The following PCDH15 variants were observed in gnomAD, a reference collection of about 807,000 sequenced individuals.
PCDH15 encodes protocadherin-15.
In PCDH15, 129 loss-of-function variants were observed where a neutral mutation model predicts 178.5. The ratio of observed to expected loss-of-function variants is 0.72; its 90% CI spans 0.63 to 0.84. The LOEUF is 0.84. Among genes scored for constraint, PCDH15 ranks in the 40% least tolerant of loss-of-function variants. PCDH15 has a pLI of 0.00. For missense variants in PCDH15, 2,230 were observed against 2,099.9 expected (o/e 1.06, Z -1.21); for synonymous variants, 800 against 732.0 (o/e 1.09, Z -1.50).
chr10:54,976,474 G>T (rs1839074472), intron 2 of PCDH15, among the ~76,000 whole-genome samples: 1 of 152,100 alleles, frequency 6.6e-6, no homozygotes, highest in South Asian at 2.1e-4. Context: ...CTAGGGAAAG[G>T]GTGCTGCTGA....
chr10:53,937,005 A>G (rs987567748), intron 25 of PCDH15, among the ~76,000 whole-genome samples: 1 of 152,160 alleles, frequency 6.6e-6, no homozygotes, highest in Non-Finnish European at 1.5e-5. Context: ...GTCAATCATA[A>G]AAGGTTAATA....
intron 2 of PCDH15, among the ~76,000 whole-genome samples, chr10:54,972,590 T>A (rs1050813280): frequency 2.0e-5 from 3 of 151,874 alleles, no homozygotes; most frequent in Non-Finnish European, 2.9e-5. Flanking sequence ...GGCTCACGCC[T>A]GTAATCCCAG....
At chr10:54,785,254 T>G (rs1255334631) in intron 1 of PCDH15, among the ~76,000 whole-genome samples, 1 of 152,050 alleles carries the variant, frequency 6.6e-6, no homozygotes, top group East Asian at 1.9e-4. Context: ...TTCTGATACA[T>G]AGGAGCCTGG....
In PCDH15 at chr10:53,961,666, A is replaced by T. The variant is rs182862109; in HGVS notation, c.3009+86T>A. On this transcript the variant is annotated intron_variant, in intron 22 of 37. Coordinates refer to ENST00000644397, the MANE Select transcript of PCDH15 (RefSeq NM_001384140.1). The stretch of plus-strand genomic sequence containing the variant: ...AATTAAAAAGGAGAAAAATTGAAAG[A>T]AAAAAATGTGCTGTCATCTGTTAAG... 5.7e-4 allele frequency: 571 copies of T among 1,010,270 alleles called. 3 individuals carry two copies. In the Middle Eastern group the frequency reaches 8.1e-3, roughly 14 times the overall value. 62.6% of individuals were successfully genotyped at this position (1,010,270 alleles called of 1,614,324 possible).
chr10:54,804,927 T>TTATACATATATATATATATATATATATA, upstream of PCDH15, among the ~76,000 whole-genome samples: 1 of 50,844 alleles, frequency 2.0e-5, no homozygotes, highest in Admixed American at 3.0e-4. Flanking sequence ...TCATAGTAGA[T>TTATACATATATATATATATATATATATA]TATATATATA....
chr10:54,245,936 C>T (rs1019680089), intron 8 of PCDH15, among the ~76,000 whole-genome samples: 2 of 151,604 alleles, frequency 1.3e-5, no homozygotes, highest in African/African-American at 4.8e-5. Context: ...CTATGAGATA[C>T]CTTCATAAAT....
intron 2 of PCDH15, among the ~76,000 whole-genome samples, chr10:55,140,858 T>G (rs950584689): frequency 5.9e-5 from 9 of 152,012 alleles, no homozygotes; most frequent in African/African-American, 1.7e-4. Flanking sequence ...TCATCTAGGT[T>G]GTCCTATTGA....
At chr10:54,356,312 T>C (rs1218881462) in intron 5 of PCDH15, among the ~76,000 whole-genome samples, 1 of 151,960 alleles carries the variant, frequency 6.6e-6, no homozygotes, top group Non-Finnish European at 1.5e-5. Flanking sequence ...CCTCTGGTCC[T>C]GAAAAATATT....
chr10:53,908,272 T>G lies in PCDH15; in HGVS notation c.3374-4902A>C, dbSNP rs147977561. On this transcript the variant is annotated intron_variant, in intron 25 of 37. Coordinates refer to ENST00000644397, the MANE Select transcript of PCDH15 (RefSeq NM_001384140.1). The stretch of plus-strand genomic sequence containing the variant: ...AACGAACAAACAAACAAACAAAATA[T>G]TTGGGCCAAAATGCCATTAGTGATG... 3.8e-3 allele frequency among the ~76,000 whole-genome samples: 580 copies of G among 152,168 alleles called. 2 individuals carry two copies. Among genetic ancestry groups the G allele is most frequent in the African/African-American group, 0.014 (566 of 41,526 alleles).
At chr10:54,912,842 A>C (rs1954840489) in intron 2 of PCDH15, among the ~76,000 whole-genome samples, 1 of 152,178 alleles carries the variant, frequency 6.6e-6, no homozygotes, top group Non-Finnish European at 1.5e-5. Flanking sequence ...TGAAAAATGA[A>C]GTCTCAGCTG....
At chr10:54,936,960 G>A (rs2131858934) in intron 2 of PCDH15, among the ~76,000 whole-genome samples, 1 of 151,870 alleles carries the variant, frequency 6.6e-6, no homozygotes, top group South Asian at 2.1e-4. Context: ...TTTCTTCTAA[G>A]AGTTCTATGG....
intron 2 of PCDH15, among the ~76,000 whole-genome samples, chr10:55,486,189 T>C (rs1486092588): frequency 6.6e-6 from 1 of 151,728 alleles, no homozygotes; most frequent in Non-Finnish European, 1.5e-5. Flanking sequence ...TTGTGGGTTA[T>C]ATTATCAAAT....
In PCDH15 at chr10:55,406,084, TA is replaced by T. The variant is rs146281391; in HGVS notation, c.-156+221540del. 2.4e-3 allele frequency among the ~76,000 whole-genome samples: 357 copies of T among 148,110 alleles called. 1 individual carries two copies. The highest frequency in any genetic ancestry group is 0.016 in the Admixed American group (243 of 14,846). ...GTTCCCATCTAAAAAAAAAAAGGCA[TA>T]AAGCAGCAGAGTACCCAAATATGTT... On this transcript the variant is annotated intron_variant, in intron 2 of 5. Transcript: ENST00000613346.
At chr10:55,018,989 C>T (rs1840257477) in intron 2 of PCDH15, among the ~76,000 whole-genome samples, 2 of 152,054 alleles carry the variant, frequency 1.3e-5, no homozygotes. Flanking sequence ...AACCACAATG[C>T]TATCAATTCA....
intron 2 of PCDH15, among the ~76,000 whole-genome samples, chr10:55,011,516 G>C (rs944899038): frequency 6.6e-6 from 1 of 152,020 alleles, no homozygotes; most frequent in Non-Finnish European, 1.5e-5. Context: ...CTGATACACA[G>C]ATTTATATAG....
chr10:54,878,836 C>A (rs1200385134), intron 3 of PCDH15, among the ~76,000 whole-genome samples: 1 of 152,044 alleles, frequency 6.6e-6, no homozygotes, highest in Non-Finnish European at 1.5e-5. Flanking sequence ...CTACCCCACT[C>A]AGCAGGCACC....
chr10:54,530,478 G>C (rs150479899), intron 2 of PCDH15, among the ~76,000 whole-genome samples: 1,871 of 152,256 alleles, frequency 0.012, 18 homozygotes, highest in Non-Finnish European at 0.017. Context: ...GACCATGCCT[G>C]CATCATTTTC....
chr10:54,617,249 T>G (rs2093193684), intron 2 of PCDH15, among the ~76,000 whole-genome samples: 1 of 151,924 alleles, frequency 6.6e-6, no homozygotes, highest in South Asian at 2.1e-4. Flanking sequence ...ATTGTGTAGA[T>G]TATTTCCAGT....
chr10:54,794,981 A>G (rs1175355644), intron 1 of PCDH15, among the ~76,000 whole-genome samples: 1 of 151,872 alleles, frequency 6.6e-6, no homozygotes, highest in Non-Finnish European at 1.5e-5. Context: ...ACTTTCTGGC[A>G]AATCTCTTTA....
Sources: gnomAD v4.1 joint callset for allele counts (sites outside exome capture counted in the v4.1 genomes callset) on GRCh38, gnomAD v4.1.1 for gene constraint, MANE v1.5 for transcripts, NCBI Gene and HGNC (gene_info 2026-07-23, HGNC 2026-07-21) for gene names.